Variants in DLG2 observed in about 807,000 individuals in gnomAD.
DLG2 encodes discs large MAGUK scaffold protein 2.
In DLG2, 45 loss-of-function variants were observed where a neutral mutation model predicts 132.5. The ratio of observed to expected loss-of-function variants is 0.34; its 90% CI spans 0.27 to 0.44. The LOEUF (loss-of-function observed/expected upper bound fraction) is 0.44, where lower values mean the gene tolerates loss of function less well. Among genes scored for constraint, DLG2 ranks in the 20% least tolerant of loss-of-function variants. DLG2 has a pLI of 1.00. For synonymous variants in DLG2, 424 were observed against 419.6 expected (o/e 1.01, Z -0.13); for missense variants, 1,045 against 1,196.9 (o/e 0.87, Z 1.87).
At chr11:84,209,761 G>A (rs1218389151) in intron 8 of DLG2, among the ~76,000 whole-genome samples, 1 of 152,164 alleles carries the variant, frequency 6.6e-6, no homozygotes, top group Non-Finnish European at 1.5e-5. Context: ...AAAGCGCAAT[G>A]AGATGCCACT....
chr11:85,261,694 C>G (rs984160568), intron 4 of DLG2, among the ~76,000 whole-genome samples: 4 of 152,116 alleles, frequency 2.6e-5, no homozygotes, highest in African/African-American at 9.7e-5. Flanking sequence ...CCCTTCACAG[C>G]AGCATTTGAA....
At chr11:84,384,324 T>C (rs1260419322) in intron 7 of DLG2, among the ~76,000 whole-genome samples, 2 of 151,960 alleles carry the variant, frequency 1.3e-5, no homozygotes, top group East Asian at 1.9e-4. Flanking sequence ...ATATGGAAAA[T>C]GCAACTTTAA....
intron 6 of DLG2, among the ~76,000 whole-genome samples, chr11:85,095,896 C>A (rs749672837): frequency 1.3e-5 from 2 of 152,172 alleles, no homozygotes; most frequent in Non-Finnish European, 2.9e-5. Context: ...TCTTCTTCAC[C>A]AGCACCCTCA....
chr11:83,503,352 TAC>T (rs1170309965), intron 21 of DLG2, among the ~76,000 whole-genome samples: 3 of 95,972 alleles, frequency 3.1e-5, no homozygotes, highest in Non-Finnish European at 7.0e-5. Flanking sequence ...TTTATATATA[TAC>T]ACACACACAC....
intron 8 of DLG2, among the ~76,000 whole-genome samples, chr11:84,201,370 A>G (rs1463710625): frequency 6.6e-6 from 1 of 152,156 alleles, no homozygotes; most frequent in Non-Finnish European, 1.5e-5. Context: ...AGGTTTTTGC[A>G]TCAATGTTCA....
chr11:84,306,872 G>T (rs1350115016), intron 7 of DLG2, among the ~76,000 whole-genome samples: 1 of 152,196 alleles, frequency 6.6e-6, no homozygotes, highest in Non-Finnish European at 1.5e-5. Context: ...TGAGAAAAAG[G>T]AATGTTTATA....
chr11:85,545,348 G>A lies in DLG2; in HGVS notation c.40+53309C>T, dbSNP rs1234463058. On this transcript the variant is annotated intron_variant, in intron 3 of 27. Transcript: ENST00000376104. ...TCCCCGGGATGCAGCCAACTTGATCGTGGTGGATAAGCTTTTTGATGTGTT... is the reference window on the plus strand; with the variant it reads ...TCCCCGGGATGCAGCCAACTTGATCATGGTGGATAAGCTTTTTGATGTGTT... Among the ~76,000 whole-genome samples the A allele has an allele frequency of 3.9e-5, 6 of 152,222 alleles. No individual in the cohort carries two copies. In the East Asian group the frequency reaches 9.6e-4, roughly 24 times the overall value.
chr11:84,674,636 T>C (rs2099709391), intron 6 of DLG2, among the ~76,000 whole-genome samples: 1 of 152,164 alleles, frequency 6.6e-6, no homozygotes, highest in Non-Finnish European at 1.5e-5. Context: ...GTCACTTTAG[T>C]TGAGTATACA....
rs371695391 is a variant in DLG2 at position 84,077,533 on chromosome 11, AAAAACAAAAACAAGG to A, written c.750-18064_750-18050del. Among the ~76,000 whole-genome samples the A allele has an allele frequency of 4.3e-3, 662 of 152,312 alleles. 6 individuals are homozygous for A. The highest frequency in any genetic ancestry group is 0.016 in the African/African-American group (645 of 41,558). Reference sequence around the variant, plus strand: ...CTCAACCTATTAATCTTCATACTTAAAAAACAAAAACAAGGAAAACAAAAACAACTATGTGCTATT... The same window carrying A: ...CTCAACCTATTAATCTTCATACTTAAAAAACAAAAACAACTATGTGCTATT... On this transcript the variant is annotated intron_variant, in intron 10 of 27. Coordinates refer to ENST00000376104, the MANE Select transcript of DLG2 (RefSeq NM_001142699.3).
At chr11:84,482,389 A>T (rs2099140062) in intron 7 of DLG2, among the ~76,000 whole-genome samples, 1 of 152,246 alleles carries the variant, frequency 6.6e-6, no homozygotes, top group Admixed American at 6.5e-5. Flanking sequence ...ACAACTAGTT[A>T]GAAATCCATG....
intron 10 of DLG2, among the ~76,000 whole-genome samples, chr11:84,068,739 T>C (rs1024410361): frequency 1.3e-5 from 2 of 152,258 alleles, no homozygotes; most frequent in African/African-American, 4.8e-5. Flanking sequence ...TTTATTCGAA[T>C]AGCATTAATG....
intron 9 of DLG2, among the ~76,000 whole-genome samples, chr11:84,130,819 CTCT>C (rs1377772204): frequency 6.6e-6 from 1 of 151,596 alleles, no homozygotes; most frequent in Non-Finnish European, 1.5e-5. Context: ...CCAGTTGCTT[CTCT>C]TCTTCAGTTT....
intron 6 of DLG2, among the ~76,000 whole-genome samples, chr11:84,839,297 G>A (rs1018143457): frequency 1.1e-4 from 17 of 152,016 alleles, no homozygotes; most frequent in South Asian, 2.1e-4. Context: ...AGATGCGAAG[G>A]ACCTCTTCAA....
chr11:83,598,235 G>C (rs530703394), intron 19 of DLG2, among the ~76,000 whole-genome samples: 7 of 152,188 alleles, frequency 4.6e-5, no homozygotes, highest in Admixed American at 3.3e-4. Context: ...TCAGCTCCAC[G>C]CATGTTCTGT....
chr11:83,784,846 T>C (rs1260063489), intron 18 of DLG2, among the ~76,000 whole-genome samples: 1 of 152,192 alleles, frequency 6.6e-6, no homozygotes, highest in African/African-American at 2.4e-5. Flanking sequence ...TCTGCAGAAT[T>C]GTTTGAGATG....
At chr11:84,345,937 A>C (rs2098537515) in intron 7 of DLG2, among the ~76,000 whole-genome samples, 1 of 152,214 alleles carries the variant, frequency 6.6e-6, no homozygotes, top group South Asian at 2.1e-4. Flanking sequence ...TTGTTTAAAA[A>C]GTTTGCTACC....
intron 6 of DLG2, among the ~76,000 whole-genome samples, chr11:85,066,602 T>C (rs1002628844): frequency 7.9e-5 from 12 of 151,552 alleles, no homozygotes; most frequent in African/African-American, 1.5e-4. Context: ...CCATGACCAA[T>C]TGGGTTTTAT....
At chr11:84,786,646 A>G (rs973209953) in intron 6 of DLG2, among the ~76,000 whole-genome samples, 1 of 152,214 alleles carries the variant, frequency 6.6e-6, no homozygotes, top group Non-Finnish European at 1.5e-5. Flanking sequence ...GTAAGATCTG[A>G]ATAAAGCTCC....
At chr11:85,068,785 G>C (rs563042011) in intron 6 of DLG2, among the ~76,000 whole-genome samples, 1 of 152,074 alleles carries the variant, frequency 6.6e-6, no homozygotes, top group Non-Finnish European at 1.5e-5. Flanking sequence ...TTTCTTCACA[G>C]AATTGGAAAA....
Sources: gnomAD v4.1 joint callset for allele counts (sites outside exome capture counted in the v4.1 genomes callset) on GRCh38, gnomAD v4.1.1 for gene constraint, MANE v1.5 for transcripts, NCBI Gene and HGNC (gene_info 2026-07-23, HGNC 2026-07-21) for gene names.